TCERG1: variants seen among roughly 807,000 people sequenced by gnomAD.
The protein encoded by TCERG1 is TATA box binding protein (TBP)-associated factor, RNA polymerase II, S, 150kD.
Under a neutral mutation model 144.7 loss-of-function variants are expected in TCERG1, and 37 were observed. That is an observed-to-expected ratio of 0.26 (90% CI 0.20 to 0.34). The LOEUF is 0.34. Ranked by LOEUF, TCERG1 falls within the 10% of genes least tolerant of loss-of-function variation. TCERG1 has a pLI of 1.00. For synonymous variants in TCERG1, 492 were observed against 458.2 expected (o/e 1.07, Z -0.94); for missense variants, 1,027 against 1,380.7 (o/e 0.74, Z 4.06).
intron 16 of TCERG1, among the ~76,000 whole-genome samples, chr5:146,494,867 A>C (rs981164745): frequency 6.6e-6 from 1 of 152,112 alleles, no homozygotes; most frequent in Non-Finnish European, 1.5e-5. Context: ...GGTCACTACT[A>C]TCTCCCTGTC....
At chr5:146,463,511 A>G in intron 4 of TCERG1, 40 bp from the exon 5 acceptor site, 12 of 1,611,622 alleles carry the variant, frequency 7.4e-6, no homozygotes, top group Non-Finnish European at 1.0e-5. Context: ...AAAATGATTT[A>G]TGAAGGAGTG....
At chr5:146,485,784 CTCAGGGT>C (rs1765767815) in intron 15 of TCERG1, among the ~76,000 whole-genome samples, 1 of 152,108 alleles carries the variant, frequency 6.6e-6, no homozygotes, top group Non-Finnish European at 1.5e-5. Context: ...GCCTCTGCCT[CTCAGGGT>C]TCAAGTGATC....
In TCERG1 at chr5:146,463,685, G is replaced by T. The variant is rs1763533438; in HGVS notation, c.1027G>T (p.Ala343Ser). ...GCCGCACCCTCAGACGTTACCTCCT[G>T]CTGTTCCTCATTCAGTACCTCAGCC... ...PQPHPQTLPP[A>S]VPHSVPQPTT... Residue 343 changes from alanine (A) to serine (S), a missense_variant, in exon 5 of 23, where the codon GCT (alanine) becomes TCT (serine). By Grantham distance (99) the Ala-to-Ser change is moderately conservative. Around this residue, in one of 6 missense-constraint regions of TCERG1, gnomAD observed 187 missense variants for 169.1 expected, o/e 1.11. Transcript: ENST00000679501. 6.2e-7 allele frequency: 1 copy of T among 1,614,060 alleles called. No individual in the cohort carries two copies. The highest frequency in any genetic ancestry group is 1.3e-5 in the African/African-American group (1 of 74,926).
intron 5 of TCERG1, among the ~76,000 whole-genome samples, chr5:146,464,189 A>G (rs1763579868): frequency 1.3e-5 from 2 of 152,232 alleles, no homozygotes; most frequent in South Asian, 2.1e-4. Flanking sequence ...AGCATGTTAC[A>G]TGCATTAACT....
intron 1 of TCERG1, among the ~76,000 whole-genome samples, chr5:146,451,292 CTGATTATTT>C: frequency 6.8e-6 from 1 of 147,612 alleles, no homozygotes; most frequent in Middle Eastern, 3.6e-3. Context: ...AAAAGACCTT[CTGATTATTT>C]TGATGCGATC....
intron 4 of TCERG1, among the ~76,000 whole-genome samples, chr5:146,463,107 G>A (rs1459907847): frequency 6.6e-6 from 1 of 152,066 alleles, no homozygotes; most frequent in Non-Finnish European, 1.5e-5. Flanking sequence ...AGTTTTGTTG[G>A]TATGCCTACT....
intron 22 of TCERG1, chr5:146,510,142 C>T (rs1007882515): frequency 3.2e-6 from 4 of 1,267,988 alleles, no homozygotes; most frequent in Middle Eastern, 2.1e-4. Flanking sequence ...CTGAAGTCCT[C>T]TGTTCATCCA....
At chr5:146,454,037 C>CAAAAAA (rs56657111) in intron 1 of TCERG1, among the ~76,000 whole-genome samples, 123 of 129,636 alleles carry the variant, frequency 9.5e-4, no homozygotes, top group East Asian at 2.3e-3. Flanking sequence ...TACTCAAATA[C>CAAAAAA]AAAAAAAAAA....
At chr5:146,498,865 A>G (rs1767177417) in intron 17 of TCERG1, among the ~76,000 whole-genome samples, 179 bp downstream of exon 17, 1 of 152,238 alleles carries the variant, frequency 6.6e-6, no homozygotes, top group Non-Finnish European at 1.5e-5. Context: ...CTTTACTTAC[A>G]TAATGCTTAT....
At chr5:146,493,894 CTGGGTTAAA>C (rs1180983245) in intron 16 of TCERG1, among the ~76,000 whole-genome samples, 2 of 151,930 alleles carry the variant, frequency 1.3e-5, no homozygotes, top group Non-Finnish European at 2.9e-5. Flanking sequence ...CATGGAGTCT[CTGGGTTAAA>C]TGGCACTTAT....
In TCERG1 at chr5:146,510,258, A is replaced by G. The variant is rs2150956181; in HGVS notation, c.3147-183A>G. 7 of 672,374 alleles carry G rather than the reference A, an allele frequency of 1.0e-5. 1 individual carries two copies. In the South Asian group the frequency reaches 1.4e-4, roughly 14 times the overall value. 41.7% of individuals were successfully genotyped at this position (672,374 alleles called of 1,614,324 possible). Reference sequence around the variant, plus strand: ...GTAATTCAGCTTCTGAGGCCCTTTCACTCCTTGGAGTCTTTGCTGAGGCGA... The same window carrying G: ...GTAATTCAGCTTCTGAGGCCCTTTCGCTCCTTGGAGTCTTTGCTGAGGCGA... On this transcript the variant is annotated intron_variant, in intron 22 of 22. Transcript: ENST00000679501.
chr5:146,451,772 A>C (rs1344427661), intron 1 of TCERG1, among the ~76,000 whole-genome samples: 1 of 137,770 alleles, frequency 7.3e-6, no homozygotes, highest in Non-Finnish European at 1.6e-5. Flanking sequence ...AAGGCAAATT[A>C]GTTTTTTTTT....
intron 15 of TCERG1, among the ~76,000 whole-genome samples, chr5:146,486,094 T>C (rs919268701): frequency 3.3e-5 from 5 of 152,240 alleles, no homozygotes; most frequent in Non-Finnish European, 4.4e-5. Context: ...AAACACGTTT[T>C]TTGAATACTT....
chr5:146,499,515 G>A (rs1767241629), intron 17 of TCERG1: 2 of 152,156 alleles, frequency 1.3e-5, no homozygotes, highest in South Asian at 4.1e-4. Flanking sequence ...CGATTTATTG[G>A]GCTTCCAAGT....
chr5:146,502,930 A>G (rs180714677), intron 17 of TCERG1: 2 of 152,292 alleles, frequency 1.3e-5, no homozygotes, highest in Admixed American at 1.3e-4. Context: ...ATTTTTATCC[A>G]TCTAGTTTTT....
At chr5:146,470,085 G>A (rs1328904187) in intron 7 of TCERG1, among the ~76,000 whole-genome samples, 5 of 152,132 alleles carry the variant, frequency 3.3e-5, no homozygotes, top group Non-Finnish European at 7.4e-5. Context: ...TTTTTTATAT[G>A]TGTTCTGAAG....
intron 11 of TCERG1, 50 bp downstream of exon 11, chr5:146,479,961 A>G: frequency 1.9e-6 from 3 of 1,606,154 alleles, no homozygotes; most frequent in Middle Eastern, 1.7e-4. Context: ...CTATTAAAGC[A>G]AGTGTTCTGG....
chr5:146,482,367 C>T (rs1242040448), intron 13 of TCERG1: 5 of 330,554 alleles, frequency 1.5e-5, no homozygotes, highest in Non-Finnish European at 2.7e-5. Context: ...GTATTTTTTT[C>T]CTAATAATGT....
intron 14 of TCERG1, among the ~76,000 whole-genome samples, chr5:146,483,004 C>T (rs1282177957): frequency 6.6e-6 from 1 of 152,130 alleles, no homozygotes; most frequent in Non-Finnish European, 1.5e-5. Flanking sequence ...ATTAACATTA[C>T]AGAATGGCGG....
Sources: allele counts gnomAD v4.1 joint callset (sites outside exome capture counted in the v4.1 genomes callset), GRCh38; gene constraint gnomAD v4.1.1; regional missense constraint gnomAD v4.1.1; transcripts MANE v1.5; gene names NCBI Gene and HGNC (gene_info 2026-07-23, HGNC 2026-07-21).